Variants in KLRF2 observed in about 807,000 individuals in gnomAD.
The protein encoded by KLRF2 is killer cell lectin like receptor F2.
A neutral mutation model predicts 25.3 loss-of-function variants in KLRF2; 28 were observed. The observed-to-expected ratio is 1.11, with a 90% CI of 0.82 to 1.52. The LOEUF is 1.52. Ranked by LOEUF, KLRF2 falls within the 40% of genes most tolerant of loss-of-function variation. The pLI, the probability that KLRF2 is intolerant of heterozygous loss-of-function variation, is 0.00. For synonymous variants in KLRF2, 73 were observed against 85.0 expected, an observed-to-expected ratio of 0.86 and a Z score of 0.78; for missense variants, 265 against 245.8, an observed-to-expected ratio of 1.08 and a Z score of -0.52.
Position 9,895,688 on chromosome 12 carries a change from G to A in KLRF2, c.480-1G>A, listed in dbSNP as rs747631350. On this transcript the variant is annotated splice_acceptor_variant, in intron 5 of 5. Transcript: ENST00000535540. LOFTEE classifies it high-confidence loss of function. Reference sequence around the variant, plus strand: ...TGAAAAATCTGTCCTTTGTCTCTTAGGTTTTCAGTGATTGGACCAACTGAT... The same window carrying A: ...TGAAAAATCTGTCCTTTGTCTCTTAAGTTTTCAGTGATTGGACCAACTGAT... The A allele has an allele frequency of 1.8e-4, 279 of 1,524,976 alleles. No individual in the cohort carries two copies. Among genetic ancestry groups the A allele is most frequent in the Non-Finnish European group, 2.4e-4 (269 of 1,143,538 alleles). The allele number at this position is 1,524,976 out of a possible 1,614,324, so 94.5% of individuals were successfully genotyped here.
chr12:9,886,198 A>T (rs1289079230), intron 2 of KLRF2, among the ~76,000 whole-genome samples: 2 of 152,200 alleles, frequency 1.3e-5, no homozygotes, highest in Admixed American at 6.5e-5. Flanking sequence ...CTAATAAATT[A>T]GTAACAATTA....
In KLRF2 at chr12:9,884,983, C is replaced by A; in HGVS notation, c.120C>A (p.Cys40Ter). 7.4e-7 allele frequency: 1 copy of A among 1,345,518 alleles called. No individual in the cohort carries two copies. The highest frequency in any genetic ancestry group is 1.9e-5 in the South Asian group (1 of 51,768). 83.3% of individuals were successfully genotyped at this position (1,345,518 alleles called of 1,614,324 possible). A position where few individuals can be genotyped will look rare whatever the true frequency, so the allele number is the denominator to read the frequency against. Residue 40 changes from cysteine to a stop codon, truncating the protein, a stop_gained, in exon 2 of 6, where the codon TGC becomes TGA. Transcript: ENST00000535540. LOFTEE classifies it high-confidence loss of function. ...QYYCLLLIFG[C>*]IVILIFIMTG... ...ATTGTCTTCTGCTCATATTTGGATG[C>A]ATTGTGATCCTTATATTCATTATGA...
At chr12:9,889,881 C>T (rs1862653942) in intron 3 of KLRF2, among the ~76,000 whole-genome samples, 1 of 151,828 alleles carries the variant, frequency 6.6e-6, no homozygotes, top group Non-Finnish European at 1.5e-5. Context: ...CCCTATGTAC[C>T]TCAATTTCTT....
chr12:9,882,010 TTA>T (rs1488086899), intron 1 of KLRF2, among the ~76,000 whole-genome samples: 5 of 151,914 alleles, frequency 3.3e-5, no homozygotes, highest in Non-Finnish European at 5.9e-5. Flanking sequence ...ATATATATGC[TTA>T]TATATATATT....
intron 4 of KLRF2, 105 bp from the exon 5 acceptor site, chr12:9,893,324 A>G: frequency 3.7e-6 from 3 of 821,000 alleles, no homozygotes; most frequent in African/African-American, 1.7e-5. Context: ...GCTAATGTAT[A>G]TGAAAAAATA....
chr12:9,893,531 G>A lies in KLRF2; in HGVS notation c.469G>A (p.Val157Ile). 3 of 1,453,106 alleles carry A rather than the reference G, an allele frequency of 2.1e-6. No individual in the cohort carries two copies. The highest frequency in any genetic ancestry group is 2.8e-6 in the Non-Finnish European group (3 of 1,077,204). 90.0% of individuals were successfully genotyped at this position (1,453,106 alleles called of 1,614,324 possible). A position where few individuals can be genotyped will look rare whatever the true frequency, so the allele number is the denominator to read the frequency against. Residue 157 changes from valine to isoleucine, a missense_variant, in exon 5 of 6, where the codon GTT becomes ATT. Val to Ile is a conservative substitution (Grantham distance 29). Coordinates refer to ENST00000535540, the MANE Select transcript of KLRF2 (RefSeq NM_001190765.1). ...GATGTGGATAGATGAACACTTTTTA[G>A]TTCCAGAATTGTGAGTAGTTATTTG... ...LWMWIDEHFL[V>I]PELFSVIGPT...
intron 2 of KLRF2, among the ~76,000 whole-genome samples, chr12:9,886,133 CAT>C (rs1862594725): frequency 1.3e-5 from 2 of 152,064 alleles, no homozygotes; most frequent in Admixed American, 1.3e-4. Flanking sequence ...TGAAATTTGA[CAT>C]GTTGATGAAT....
rs138367314 is a variant in KLRF2, at chr12:9,892,991, A to C, written c.218-29A>C. 7.1e-3 allele frequency: 10,619 copies of C among 1,503,738 alleles called. 128 individuals are homozygous for C. Among genetic ancestry groups the C allele is most frequent in the Middle Eastern group, 0.041 (243 of 5,880 alleles). 93.1% of individuals were successfully genotyped at this position (1,503,738 alleles called of 1,614,324 possible). ...ATCTTCCCTGTTGGCTGTAAAGTTT[A>C]ATTAATTTTCCCCTATGTTTTCCTT... On this transcript the variant is annotated intron_variant, in intron 3 of 5. Coordinates refer to ENST00000535540, the MANE Select transcript of KLRF2 (RefSeq NM_001190765.1).
At chr12:9,891,343 C>T (rs1037348595) in intron 3 of KLRF2, among the ~76,000 whole-genome samples, 9 of 152,144 alleles carry the variant, frequency 5.9e-5, no homozygotes, top group Non-Finnish European at 8.8e-5. Flanking sequence ...GAAGATGGGA[C>T]TTAAATCTGA....
At chr12:9,890,474 C>CTT (rs1862663822) in intron 3 of KLRF2, among the ~76,000 whole-genome samples, 2 of 152,162 alleles carry the variant, frequency 1.3e-5, no homozygotes, top group Non-Finnish European at 2.9e-5. Context: ...TTACTGCTTT[C>CTT]CTTCTGGCTT....
At chr12:9,886,270 G>A (rs545576655) in intron 2 of KLRF2, among the ~76,000 whole-genome samples, 164 of 151,950 alleles carry the variant, frequency 1.1e-3, no homozygotes, top group African/African-American at 3.7e-3. Context: ...TATTCTTCAT[G>A]GCTTCCAGTC....
chr12:9,885,235 A>T (rs1868136522), intron 2 of KLRF2, among the ~76,000 whole-genome samples: 1 of 151,822 alleles, frequency 6.6e-6, no homozygotes, highest in South Asian at 2.1e-4. Flanking sequence ...AGAACCCCCA[A>T]TAGAGGTTGA....
intron 3 of KLRF2, among the ~76,000 whole-genome samples, chr12:9,891,732 A>G (rs1862678407): frequency 6.6e-6 from 1 of 152,158 alleles, no homozygotes; most frequent in African/African-American, 2.4e-5. Context: ...GCATGTATTA[A>G]TGAGTTAAGA....
At chr12:9,887,206 A>C (rs1433490929) in intron 2 of KLRF2, among the ~76,000 whole-genome samples, 1 of 152,174 alleles carries the variant, frequency 6.6e-6, no homozygotes, top group African/African-American at 2.4e-5. Context: ...AAAAAACATG[A>C]GTTTTCAGCT....
At chr12:9,882,454 G>T (rs1416538988) in intron 1 of KLRF2, among the ~76,000 whole-genome samples, 1 of 152,066 alleles carries the variant, frequency 6.6e-6, no homozygotes, top group African/African-American at 2.4e-5. Flanking sequence ...TTACTTCCAT[G>T]CAGCAAAAAC....
At chr12:9,882,659 T>C (rs1378414125) in intron 1 of KLRF2, among the ~76,000 whole-genome samples, 1 of 152,164 alleles carries the variant, frequency 6.6e-6, no homozygotes, top group Non-Finnish European at 1.5e-5. Flanking sequence ...CGTGTGCCTG[T>C]AATCCCAACT....
At chr12:9,888,270 C>G (rs914533320) in intron 2 of KLRF2, among the ~76,000 whole-genome samples, 1 of 151,638 alleles carries the variant, frequency 6.6e-6, no homozygotes, top group Non-Finnish European at 1.5e-5. Context: ...GCGGGCGGAT[C>G]ACGAGGTCAG....
chr12:9,888,856 C>T, intron 3 of KLRF2, 76 bp downstream of exon 3: 4 of 847,552 alleles, frequency 4.7e-6, no homozygotes, highest in South Asian at 1.5e-5. Flanking sequence ...CTGGCGTTCA[C>T]CCATGTTACA....
chr12:9,894,030 CTCTTTCTTTT>C (rs1322719257), intron 5 of KLRF2, among the ~76,000 whole-genome samples: 1 of 151,796 alleles, frequency 6.6e-6, no homozygotes, highest in East Asian at 1.9e-4. Flanking sequence ...TTCTTTTCTT[CTCTTTCTTTT>C]TCTTTCTTTC....
Sources: gnomAD v4.1 joint callset for allele counts (sites outside exome capture counted in the v4.1 genomes callset) on GRCh38, gnomAD v4.1.1 for gene constraint, MANE v1.5 for transcripts, NCBI Gene and HGNC (gene_info 2026-07-23, HGNC 2026-07-21) for gene names.